The following GRIA4 variants were observed in gnomAD, a reference collection of about 807,000 sequenced individuals.
The protein encoded by GRIA4 is glutamate receptor 4.
In GRIA4, 34 loss-of-function variants were observed where a neutral mutation model predicts 104.0. The observed-to-expected ratio is 0.33, with a 90% CI of 0.25 to 0.44. GRIA4 has a LOEUF of 0.44. GRIA4 is among the 20% of genes least tolerant of loss of function. The pLI is 1.00. For missense variants in GRIA4, 750 were observed against 1,096.5 expected (o/e 0.68, Z 4.46); for synonymous variants, 386 against 381.9 (o/e 1.01, Z -0.13).
intron 4 of GRIA4, among the ~76,000 whole-genome samples, chr11:105,758,570 T>C (rs1214138256): frequency 6.6e-6 from 1 of 152,172 alleles, no homozygotes. Context: ...AAAGCTCTGA[T>C]GGAACACCTT....
At chr11:105,615,727 T>C (rs1950583316) in intron 3 of GRIA4, among the ~76,000 whole-genome samples, 1 of 151,770 alleles carries the variant, frequency 6.6e-6, no homozygotes, top group Non-Finnish European at 1.5e-5. Flanking sequence ...GCTAGTTTAA[T>C]TGGATATGTC....
chr11:105,627,738 T>G (rs763778665), intron 3 of GRIA4, among the ~76,000 whole-genome samples: 22 of 152,112 alleles, frequency 1.4e-4, no homozygotes, highest in Non-Finnish European at 2.2e-4. Flanking sequence ...ATAAACAGGT[T>G]GGAAAAGAGC....
chr11:105,837,128 C>A (rs561516510), intron 4 of GRIA4, among the ~76,000 whole-genome samples: 5 of 152,038 alleles, frequency 3.3e-5, no homozygotes, highest in Non-Finnish European at 7.4e-5. Flanking sequence ...CTTATAAAAC[C>A]ATCAGATCTC....
At chr11:105,710,088 ATTTG>A (rs1283953917) in intron 3 of GRIA4, among the ~76,000 whole-genome samples, 1 of 152,020 alleles carries the variant, frequency 6.6e-6, no homozygotes, top group Admixed American at 6.6e-5. Context: ...TTATTATTTT[ATTTG>A]TTTATTATTT....
chr11:105,655,365 T>G (rs1351180690), intron 3 of GRIA4, among the ~76,000 whole-genome samples: 1 of 152,154 alleles, frequency 6.6e-6, no homozygotes, highest in Non-Finnish European at 1.5e-5. Context: ...ATACTTTAAG[T>G]AATGGGATAC....
chr11:105,700,301 C>T (rs1033289178), intron 3 of GRIA4, among the ~76,000 whole-genome samples: 2 of 152,196 alleles, frequency 1.3e-5, no homozygotes. Flanking sequence ...GATAGGTGAA[C>T]ATATTTCCAG....
At chr11:105,710,502 T>C (rs1010605313) in intron 3 of GRIA4, among the ~76,000 whole-genome samples, 1 of 152,084 alleles carries the variant, frequency 6.6e-6, no homozygotes, top group African/African-American at 2.4e-5. Flanking sequence ...TATATATAAA[T>C]GTCAAAAAAA....
intron 4 of GRIA4, among the ~76,000 whole-genome samples, chr11:105,827,521 C>T (rs1943815730): frequency 6.6e-6 from 1 of 151,712 alleles, no homozygotes; most frequent in South Asian, 2.1e-4. Flanking sequence ...CTAAAATGTT[C>T]TATAATTTTA....
intron 4 of GRIA4, among the ~76,000 whole-genome samples, chr11:105,830,859 C>A (rs1344981479): frequency 6.6e-6 from 1 of 151,886 alleles, no homozygotes; most frequent in Non-Finnish European, 1.5e-5. Flanking sequence ...CTGAATATTG[C>A]AGAGAATTAT....
rs938503860 is a variant in GRIA4, at chr11:105,981,195, T to A, written c.*1456T>A. The A allele has an allele frequency of 7.2e-5, 11 of 152,564 alleles. No individual in the cohort carries two copies. Among genetic ancestry groups the A allele is most frequent in the African/African-American group, 2.2e-4 (9 of 41,432 alleles). 9.5% of individuals were successfully genotyped at this position (152,564 alleles called of 1,614,324 possible). On this transcript the variant is annotated 3_prime_UTR_variant, in exon 17 of 17. Transcript: ENST00000282499. ...TAAACTAACATGGTTCAAAAGAAGGTTTGGTTCATTTGAAATAATAAATAA... is the reference window on the plus strand; with the variant it reads ...TAAACTAACATGGTTCAAAAGAAGGATTGGTTCATTTGAAATAATAAATAA...
intron 9 of GRIA4, among the ~76,000 whole-genome samples, chr11:105,908,603 A>T (rs1947124980): frequency 6.9e-6 from 1 of 145,908 alleles, no homozygotes. Context: ...AATTGCATAT[A>T]GGTATAAGGC....
chr11:105,864,695 T>A (rs913610933), intron 5 of GRIA4, among the ~76,000 whole-genome samples: 1 of 151,892 alleles, frequency 6.6e-6, no homozygotes, highest in Non-Finnish European at 1.5e-5. Flanking sequence ...ACATGGAGAA[T>A]CCCTGTCTCT....
At chr11:105,825,722 T>C (rs182081650) in intron 4 of GRIA4, among the ~76,000 whole-genome samples, 2 of 152,146 alleles carry the variant, frequency 1.3e-5, no homozygotes, top group South Asian at 2.1e-4. Context: ...AAATCATCAG[T>C]CACAGTCATT....
chr11:105,792,495 T>C (rs1255578659), intron 4 of GRIA4, among the ~76,000 whole-genome samples: 1 of 152,114 alleles, frequency 6.6e-6, no homozygotes, highest in Non-Finnish European at 1.5e-5. Context: ...ATAAATTAGG[T>C]ACTTTTTCAT....
intron 4 of GRIA4, among the ~76,000 whole-genome samples, chr11:105,846,921 A>G (rs567375979): frequency 3.9e-5 from 6 of 152,314 alleles, no homozygotes; most frequent in African/African-American, 1.4e-4. Context: ...TTGTAACCCA[A>G]TTCTGCAGGT....
chr11:105,784,892 T>G (rs1431927324), intron 4 of GRIA4, among the ~76,000 whole-genome samples: 1 of 152,166 alleles, frequency 6.6e-6, no homozygotes, highest in Non-Finnish European at 1.5e-5. Flanking sequence ...ATTTGTAAAT[T>G]AGAGATTCTG....
intron 3 of GRIA4, among the ~76,000 whole-genome samples, chr11:105,667,199 T>C (rs1024268988): frequency 5.3e-5 from 8 of 152,034 alleles, no homozygotes; most frequent in Admixed American, 3.3e-4. Flanking sequence ...AGGAAAAAAA[T>C]ATAGCAAATT....
chr11:105,947,850 A>G (rs149548977), intron 14 of GRIA4, among the ~76,000 whole-genome samples: 32 of 152,298 alleles, frequency 2.1e-4, no homozygotes, highest in African/African-American at 7.7e-4. Flanking sequence ...AGTGGGTGTT[A>G]GAATATATTT....
intron 4 of GRIA4, among the ~76,000 whole-genome samples, chr11:105,859,520 T>C (rs1330841264): frequency 1.3e-5 from 2 of 152,328 alleles, no homozygotes; most frequent in East Asian, 1.9e-4. Flanking sequence ...GGCATATCTA[T>C]AAATTTCATC....
Sources: gnomAD v4.1 joint callset for allele counts (sites outside exome capture counted in the v4.1 genomes callset) on GRCh38, gnomAD v4.1.1 for gene constraint, MANE v1.5 for transcripts, NCBI Gene and HGNC (gene_info 2026-07-23, HGNC 2026-07-21) for gene names.